CLXN: variants seen among roughly 807,000 people sequenced by gnomAD.
The protein encoded by CLXN is calaxin.
At chr8:48,715,231 A>C in the CLXN span, 1 of 152,204 alleles carries the variant, frequency 6.6e-6, no homozygotes, top group Non-Finnish European at 1.5e-5. Context: ...TTCCTTTGTA[A>C]TCAGAAAAAT....
the CLXN span, among the ~76,000 whole-genome samples, chr8:48,719,008 G>GT: frequency 2.6e-5 from 4 of 151,454 alleles, no homozygotes; most frequent in Non-Finnish European, 5.9e-5. Context: ...CTAAGACTTG[G>GT]TTTTTTGAAG....
chr8:48,724,801 T>C, the CLXN span: 1 of 1,610,416 alleles, frequency 6.2e-7, no homozygotes, highest in Non-Finnish European at 8.5e-7. Context: ...TCCATCTGGC[T>C]CTGTAAAAAA....
chr8:48,726,522 C>A, the CLXN span, among the ~76,000 whole-genome samples: 50 of 130,890 alleles, frequency 3.8e-4, no homozygotes, highest in South Asian at 0.014. Context: ...CCATCCAATC[C>A]ATCCATCCAC....
chr8:48,731,151 GTCT>G, the CLXN span, among the ~76,000 whole-genome samples: 1 of 152,072 alleles, frequency 6.6e-6, no homozygotes, highest in Non-Finnish European at 1.5e-5. Context: ...ACATGACTTT[GTCT>G]TCTTCTTAAA....
the CLXN span, among the ~76,000 whole-genome samples, chr8:48,719,991 G>GA: frequency 6.6e-6 from 1 of 152,178 alleles, no homozygotes; most frequent in Non-Finnish European, 1.5e-5. Flanking sequence ...AGCTGCGGCA[G>GA]AGGAACATAA....
chr8:48,720,612 A>C, the CLXN span, among the ~76,000 whole-genome samples: 1 of 152,160 alleles, frequency 6.6e-6, no homozygotes, highest in Non-Finnish European at 1.5e-5. Context: ...CAATACGTGC[A>C]CCACTGAACA....
At chr8:48,712,093 A>G in the CLXN span, 1 of 152,216 alleles carries the variant, frequency 6.6e-6, no homozygotes, top group Non-Finnish European at 1.5e-5. Context: ...AATGGTTTTA[A>G]TTAACCTCCC....
At chr8:48,733,428 G>A in the CLXN span, among the ~76,000 whole-genome samples, 1 of 152,162 alleles carries the variant, frequency 6.6e-6, no homozygotes, top group South Asian at 2.1e-4. Flanking sequence ...CTGTGAATGT[G>A]TCCTGCAGAA....
At chr8:48,733,468 T>A in the CLXN span, among the ~76,000 whole-genome samples, 1 of 152,236 alleles carries the variant, frequency 6.6e-6, no homozygotes, top group Admixed American at 6.5e-5. Context: ...ATGAACTAGA[T>A]GTTCTCTTAA....
chr8:48,724,534 C>T, the CLXN span: 1 of 412,710 alleles, frequency 2.4e-6, no homozygotes. Context: ...AACTGTCTTG[C>T]CAAACCCATC....
chr8:48,718,928 C>A, the CLXN span, among the ~76,000 whole-genome samples: 2 of 151,662 alleles, frequency 1.3e-5, no homozygotes, highest in African/African-American at 2.4e-5. Context: ...CCAAAGTTAG[C>A]AGAACGAAAG....
chr8:48,727,804 A>G, the CLXN span, among the ~76,000 whole-genome samples: 1 of 152,210 alleles, frequency 6.6e-6, no homozygotes, highest in African/African-American at 2.4e-5. Flanking sequence ...AATCTAGGCT[A>G]GGTAACATAT....
At chr8:48,713,840 A>C in the CLXN span, 1 of 152,200 alleles carries the variant, frequency 6.6e-6, no homozygotes, top group Non-Finnish European at 1.5e-5. Context: ...CAGGACTACC[A>C]GTTTTCAGTG....
At chr8:48,715,300 C>T in the CLXN span, 2 of 152,114 alleles carry the variant, frequency 1.3e-5, no homozygotes. Flanking sequence ...TAGGAGATCC[C>T]AGCTCTTGTC....
the CLXN span, among the ~76,000 whole-genome samples, chr8:48,720,476 C>T: frequency 1.3e-5 from 2 of 152,068 alleles, no homozygotes; most frequent in African/African-American, 4.8e-5. Context: ...TGAGATACAC[C>T]CTGGTCTCCT....
the CLXN span, chr8:48,710,970 T>A: frequency 6.6e-6 from 1 of 152,170 alleles, no homozygotes; most frequent in Non-Finnish European, 1.5e-5. Context: ...TACCAACCTA[T>A]AATCACTTTT....
At chr8:48,728,981 GA>G in the CLXN span, 1 of 1,227,526 alleles carries the variant, frequency 8.1e-7, no homozygotes, top group Non-Finnish European at 1.1e-6. Flanking sequence ...ATTAAATCAA[GA>G]AGTCCTGGGT....
the CLXN span, chr8:48,731,298 T>A: frequency 1.3e-6 from 2 of 1,518,956 alleles, no homozygotes; most frequent in Non-Finnish European, 1.8e-6. Context: ...AACCCTTTTT[T>A]TTTCAGTTAT....
the CLXN span, among the ~76,000 whole-genome samples, chr8:48,723,062 G>A: frequency 5.9e-5 from 9 of 152,216 alleles, no homozygotes; most frequent in East Asian, 1.7e-3. Context: ...AGATGAATAA[G>A]TTCTGGAGAT....
Sources: allele counts gnomAD v4.1 joint callset (sites outside exome capture counted in the v4.1 genomes callset), GRCh38; gene constraint gnomAD v4.1.1; transcripts MANE v1.5; gene names NCBI Gene and HGNC (gene_info 2026-07-23, HGNC 2026-07-21).